The following SIDT1 variants were observed in gnomAD, a reference collection of about 807,000 sequenced individuals.
The protein encoded by SIDT1 is SID1 transmembrane family, member 1.
In SIDT1, 101 loss-of-function variants were observed where a neutral mutation model predicts 107.5. That is an observed-to-expected ratio of 0.94 (90% CI 0.80 to 1.11). The LOEUF is 1.11. SIDT1 is among the 50% of genes least tolerant of loss of function. The pLI is 0.00. For synonymous variants in SIDT1, 395 were observed against 398.2 expected (o/e 0.99, Z 0.10); for missense variants, 1,076 against 1,058.2 (o/e 1.02, Z -0.23).
At chr3:113,578,274 G>A (rs1241189270) in intron 4 of SIDT1, among the ~76,000 whole-genome samples, 1 of 151,690 alleles carries the variant, frequency 6.6e-6, no homozygotes, top group Admixed American at 6.6e-5. Flanking sequence ...GACCATCCTG[G>A]CTAACACGGT....
intron 14 of SIDT1, chr3:113,606,429 T>C (rs1444567616): frequency 1.3e-5 from 2 of 152,232 alleles, no homozygotes; most frequent in Non-Finnish European, 2.9e-5. Flanking sequence ...AATGATCTAA[T>C]AATATTTAGT....
At chr3:113,557,137 G>T (rs1444103328) in intron 1 of SIDT1, among the ~76,000 whole-genome samples, 1 of 152,174 alleles carries the variant, frequency 6.6e-6, no homozygotes, top group Non-Finnish European at 1.5e-5. Context: ...GTCGAGCAAG[G>T]TTCAGCACAT....
At chr3:113,589,073 G>C (rs1347137047) in intron 9 of SIDT1, among the ~76,000 whole-genome samples, 2 of 152,164 alleles carry the variant, frequency 1.3e-5, no homozygotes, top group Non-Finnish European at 2.9e-5. Context: ...AGAGTGCAAG[G>C]CCTCTTGAAG....
chr3:113,534,790 CTTGCAGTT>C (rs1937913452), intron 1 of SIDT1, among the ~76,000 whole-genome samples: 1 of 152,200 alleles, frequency 6.6e-6, no homozygotes, highest in South Asian at 2.1e-4. Flanking sequence ...TTTGGTATTT[CTTGCAGTT>C]CTGCATAGAG....
chr3:113,608,565 A>G, intron 17 of SIDT1, 29 bp downstream of exon 17: 2 of 1,468,450 alleles, frequency 1.4e-6, no homozygotes, highest in Non-Finnish European at 9.5e-7. Flanking sequence ...TACTATACAG[A>G]TTTGAATCGT....
intron 7 of SIDT1, 73 bp downstream of exon 7, chr3:113,583,569 TC>T: frequency 9.0e-7 from 1 of 1,112,774 alleles, no homozygotes; most frequent in South Asian, 1.7e-5. Context: ...AGCTGAAACC[TC>T]CTTTCTAGTT....
intron 6 of SIDT1, among the ~76,000 whole-genome samples, chr3:113,582,163 T>G (rs1281600996): frequency 1.3e-5 from 2 of 152,214 alleles, no homozygotes; most frequent in Non-Finnish European, 2.9e-5. Context: ...GGACCATATT[T>G]GTACAGCAGC....
chr3:113,581,215 T>C (rs975811952), intron 5 of SIDT1, 146 bp from the exon 6 acceptor site: 5 of 674,024 alleles, frequency 7.4e-6, no homozygotes, highest in African/African-American at 1.8e-5. Context: ...TCATGACTGT[T>C]CAAGGGGGGA....
chr3:113,585,865 C>A (rs1319261810), intron 9 of SIDT1, among the ~76,000 whole-genome samples: 1 of 152,106 alleles, frequency 6.6e-6, no homozygotes, highest in African/African-American at 2.4e-5. Context: ...GTTTGGAGCC[C>A]CTAATGACAC....
chr3:113,544,882 G>C (rs556131482), intron 1 of SIDT1, among the ~76,000 whole-genome samples: 4 of 152,076 alleles, frequency 2.6e-5, no homozygotes, highest in Non-Finnish European at 5.9e-5. Flanking sequence ...GGGAGGCCAA[G>C]GTGGGCAGAT....
At position 113,604,946 on chromosome 3, in the gene SIDT1, C is replaced by A; in HGVS notation, c.1374C>A (p.Pro458=). Residue 458 remains proline (P), a synonymous_variant, in exon 14 of 25, where the codon CCC becomes CCA. Transcript: ENST00000264852. ...CCATTGCTGTGTTTTACGCGCTGCC[C>A]GTGATCCAGCTGGTCATTACCTATC... ...IITIAVFYAL[P]VIQLVITYQT... 1 of 1,613,874 alleles carries A rather than the reference C, an allele frequency of 6.2e-7. No individual in the cohort carries two copies.
intron 10 of SIDT1, 84 bp downstream of exon 10, chr3:113,593,132 C>A: frequency 8.6e-7 from 1 of 1,166,076 alleles, no homozygotes; most frequent in Non-Finnish European, 1.3e-6. Context: ...ACCTCTCTGC[C>A]TTTTGCAATT....
intron 2 of SIDT1, among the ~76,000 whole-genome samples, chr3:113,567,044 A>G (rs924937638): frequency 6.6e-6 from 1 of 152,212 alleles, no homozygotes; most frequent in African/African-American, 2.4e-5. Context: ...ATACTACTGC[A>G]CTAATAAAAA....
At chr3:113,589,529 CTTTTTTTTTTTT>C (rs386397654) in intron 9 of SIDT1, among the ~76,000 whole-genome samples, 1 of 116,048 alleles carries the variant, frequency 8.6e-6, no homozygotes, top group Non-Finnish European at 1.7e-5. Flanking sequence ...ACTTCTCTCC[CTTTTTTTTTTTT>C]TTTTTTTTTT....
Position 113,533,093 on chromosome 3 carries a change from C to T in SIDT1, c.72C>T (p.His24=), listed in dbSNP as rs1937644937. Residue 24 remains histidine (H), a synonymous_variant, in exon 1 of 25, where the codon CAC becomes CAT. Transcript: ENST00000264852. ...PWLLLAASPG[H]PAKSPRQPPA... The stretch of plus-strand genomic sequence containing the variant: ...TCCTGCTGGCGGCGTCGCCCGGGCA[C>T]CCGGCGAAATCCCCCAGGCAGCCCC... 1.3e-6 allele frequency: 2 copies of T among 1,519,166 alleles called. No homozygotes were observed. Among genetic ancestry groups the T allele is most frequent in the South Asian group, 2.5e-5 (2 of 79,888 alleles). The allele number at this position is 1,519,166 out of a possible 1,614,324, so 94.1% of individuals were successfully genotyped here. A position where few individuals can be genotyped will look rare whatever the true frequency, so the allele number is the denominator to read the frequency against.
intron 1 of SIDT1, among the ~76,000 whole-genome samples, chr3:113,535,264 CCT>C (rs772338391): frequency 7.5e-5 from 11 of 146,762 alleles, no homozygotes; most frequent in Non-Finnish European, 1.2e-4. Context: ...AGAGTGATAC[CCT>C]GTTTTTTCAA....
chr3:113,582,132 T>C (rs1203103779), intron 6 of SIDT1, among the ~76,000 whole-genome samples: 1 of 152,202 alleles, frequency 6.6e-6, no homozygotes, highest in African/African-American at 2.4e-5. Flanking sequence ...CTGAACAGAA[T>C]GGACAGATTC....
Position 113,533,114 on chromosome 3 carries a change from GC to G in SIDT1, c.98del (p.Pro33ArgfsTer24), listed in dbSNP as rs1166960098. ...GGCACCCGGCGAAATCCCCCAGGCA[GC>G]CCCCGGCACCGCGCCGCGACCCCTT... The part of the protein sequence containing the change: ...PGHPAKSPRQ[P>X]PAPRRDPFDA... On this transcript the variant is annotated frameshift_variant, in exon 1 of 25. Coordinates refer to ENST00000264852, the MANE Select transcript of SIDT1 (RefSeq NM_017699.3). LOFTEE classifies it high-confidence loss of function. 11 of 1,544,808 alleles carry G rather than the reference GC, an allele frequency of 7.1e-6. No homozygotes were observed. The highest frequency in any genetic ancestry group is 6.0e-5 in the Admixed American group (3 of 50,332).
At chr3:113,539,936 G>A (rs912196452) in intron 1 of SIDT1, among the ~76,000 whole-genome samples, 11 of 151,872 alleles carry the variant, frequency 7.2e-5, no homozygotes, top group East Asian at 1.9e-4. Context: ...CCTGGGAGGC[G>A]GAGGCTGCAG....
Sources: gnomAD v4.1 joint callset for allele counts (sites outside exome capture counted in the v4.1 genomes callset) on GRCh38, gnomAD v4.1.1 for gene constraint, MANE v1.5 for transcripts, NCBI Gene and HGNC (gene_info 2026-07-23, HGNC 2026-07-21) for gene names.